RPH3A: variants seen among roughly 807,000 people sequenced by gnomAD.
The protein encoded by RPH3A is rabphilin-3A.
Under a neutral mutation model 102.2 loss-of-function variants are expected in RPH3A, and 48 were observed. The ratio of observed to expected loss-of-function variants is 0.47; its 90% CI spans 0.37 to 0.60. The LOEUF (loss-of-function observed/expected upper bound fraction) is 0.60. Ranked by LOEUF, RPH3A falls within the 20% of genes least tolerant of loss-of-function variation. RPH3A has a pLI of 0.00. For missense variants in RPH3A, 781 were observed against 910.1 expected (o/e 0.86, Z 1.83); for synonymous variants, 310 against 324.3 (o/e 0.96, Z 0.47).
At chr12:112,641,702 G>T (rs1442207097) in intron 1 of RPH3A, among the ~76,000 whole-genome samples, 2 of 152,102 alleles carry the variant, frequency 1.3e-5, no homozygotes, top group African/African-American at 4.8e-5. Flanking sequence ...CCAGCTGAAG[G>T]TTGGAATCTT....
intron 2 of RPH3A, among the ~76,000 whole-genome samples, chr12:112,816,645 C>T (rs1471067888): frequency 1.3e-5 from 2 of 152,220 alleles, no homozygotes; most frequent in Non-Finnish European, 2.9e-5. Flanking sequence ...AAGTCATTAA[C>T]ACTAAAGACA....
chr12:112,748,509 T>G (rs2040763311), intron 1 of RPH3A, among the ~76,000 whole-genome samples: 1 of 152,162 alleles, frequency 6.6e-6, no homozygotes, highest in Non-Finnish European at 1.5e-5. Context: ...AATTTTTAAA[T>G]TTTTTGTAGA....
intron 5 of RPH3A, among the ~76,000 whole-genome samples, chr12:112,849,646 G>T (rs1338959945): frequency 6.6e-6 from 1 of 152,118 alleles, no homozygotes; most frequent in Non-Finnish European, 1.5e-5. Context: ...GATTCCTAAG[G>T]GTAGGTATTT....
At chr12:112,788,247 A>G (rs1207304906), upstream of RPH3A, among the ~76,000 whole-genome samples, 1 of 152,210 alleles carries the variant, frequency 6.6e-6, no homozygotes. Flanking sequence ...GGTTTCAACC[A>G]TATTATTATT....
intron 2 of RPH3A, among the ~76,000 whole-genome samples, chr12:112,804,907 T>C (rs2041427743): frequency 6.6e-6 from 1 of 152,202 alleles, no homozygotes; most frequent in Non-Finnish European, 1.5e-5. Context: ...GAAGTTTCTT[T>C]ACTTACGCTG....
At chr12:112,808,334 A>G (rs142497206) in intron 2 of RPH3A, among the ~76,000 whole-genome samples, 38 of 152,314 alleles carry the variant, frequency 2.5e-4, no homozygotes, top group African/African-American at 8.9e-4. Context: ...CAATATCAAC[A>G]TTACCTCAGC....
At chr12:112,865,303 G>A (rs183938663) in intron 5 of RPH3A, 111 bp from the exon 6 acceptor site, 218 of 1,268,766 alleles carry the variant, frequency 1.7e-4, no homozygotes, top group Non-Finnish European at 2.3e-4. Flanking sequence ...GTCATCAGAC[G>A]CACAACAGCG....
chr12:112,798,423 T>C (rs2189477), intron 2 of RPH3A, among the ~76,000 whole-genome samples: 5,075 of 152,310 alleles, frequency 0.033, 305 homozygotes, highest in African/African-American at 0.11. Flanking sequence ...CTTTTCTTCC[T>C]TTTTAATGCA....
chr12:112,721,367 T>C (rs1465287332), intron 1 of RPH3A, among the ~76,000 whole-genome samples: 3 of 152,078 alleles, frequency 2.0e-5, no homozygotes, highest in Non-Finnish European at 2.9e-5. Context: ...ATCTGAGCCT[T>C]GGAAAAGGAA....
intron 1 of RPH3A, among the ~76,000 whole-genome samples, chr12:112,733,860 T>G (rs2040650551): frequency 6.6e-6 from 1 of 152,182 alleles, no homozygotes; most frequent in East Asian, 1.9e-4. Context: ...TGTGGTTTCA[T>G]AATTTCTAGC....
rs76232509 is a variant in RPH3A at position 112,866,791 on chromosome 12, A to G, written c.395A>G (p.Asn132Ser). The part of the protein sequence containing the change: ...VCTKCGVETN[N>S]RLHSVWLCKI... ...ACCAAGTGCGGAGTGGAGACCAACAACCGCCTGCATTCTGTGTGGCTCTGC... is the reference window on the plus strand; with the variant it reads ...ACCAAGTGCGGAGTGGAGACCAACAGCCGCCTGCATTCTGTGTGGCTCTGC... The change falls in exon 7 of 22, where the codon AAC (asparagine) becomes AGC (serine). Residue 132 changes from asparagine (N) to serine (S), a missense_variant. By Grantham distance (46) the Asn-to-Ser change is conservative. This residue lies in a region of RPH3A where 730 missense variants were observed against 810.0 expected (regional missense o/e 0.90). Transcript: ENST00000389385. The G allele has an allele frequency of 6.2e-7, 1 of 1,610,912 alleles. No individual in the cohort carries two copies. Among genetic ancestry groups the G allele is most frequent in the Admixed American group, 1.7e-5 (1 of 59,874 alleles).
intron 2 of RPH3A, among the ~76,000 whole-genome samples, chr12:112,804,282 G>A (rs1328017562): frequency 6.6e-6 from 1 of 152,156 alleles, no homozygotes; most frequent in Non-Finnish European, 1.5e-5. Flanking sequence ...CAGACAGGCT[G>A]GAAAAAAGCA....
chr12:112,857,504 A>C (rs2042429963), intron 5 of RPH3A, among the ~76,000 whole-genome samples: 2 of 152,108 alleles, frequency 1.3e-5, no homozygotes, highest in African/African-American at 4.8e-5. Context: ...AAGATGCCCT[A>C]CTGCTGGTTT....
At chr12:112,853,571 G>A (rs760718367) in intron 5 of RPH3A, among the ~76,000 whole-genome samples, 2 of 152,194 alleles carry the variant, frequency 1.3e-5, no homozygotes, top group Non-Finnish European at 2.9e-5. Flanking sequence ...GCTCATGCCT[G>A]TAATCCCAGC....
intron 1 of RPH3A, among the ~76,000 whole-genome samples, chr12:112,682,211 T>C (rs1413845306): frequency 1.3e-5 from 2 of 152,166 alleles, no homozygotes; most frequent in Admixed American, 6.5e-5. Flanking sequence ...AGAAGTTCCA[T>C]GATATGCTGT....
At chr12:112,705,921 C>T (rs1030377120) in intron 1 of RPH3A, among the ~76,000 whole-genome samples, 55 of 152,294 alleles carry the variant, frequency 3.6e-4, no homozygotes, top group African/African-American at 1.3e-3. Context: ...TTCAATTATT[C>T]AATGGCTATG....
intron 7 of RPH3A, among the ~76,000 whole-genome samples, chr12:112,867,455 T>C (rs898740038): frequency 1.3e-5 from 2 of 152,212 alleles, no homozygotes; most frequent in Non-Finnish European, 2.9e-5. Context: ...CTCCTCAGTT[T>C]CTGTCAGGGG....
intron 1 of RPH3A, among the ~76,000 whole-genome samples, chr12:112,705,625 T>TA (rs1273591702): frequency 2.6e-5 from 4 of 152,226 alleles, no homozygotes; most frequent in African/African-American, 7.2e-5. Flanking sequence ...TAAGATCCTT[T>TA]AAAAATTAAT....
chr12:112,754,922 G>C (rs2040811786), intron 1 of RPH3A, among the ~76,000 whole-genome samples: 2 of 152,208 alleles, frequency 1.3e-5, no homozygotes, highest in Admixed American at 6.5e-5. Context: ...GAGTGGAGCT[G>C]ACATCAGTAT....
Sources: allele counts gnomAD v4.1 joint callset (sites outside exome capture counted in the v4.1 genomes callset), GRCh38; gene constraint gnomAD v4.1.1; regional missense constraint gnomAD v4.1.1; transcripts MANE v1.5; gene names NCBI Gene and HGNC (gene_info 2026-07-23, HGNC 2026-07-21).